ZNF679: variants seen among roughly 807,000 people sequenced by gnomAD.
ZNF679 encodes zinc finger protein 679.
Under a neutral mutation model 13.4 loss-of-function variants are expected in ZNF679, and 10 were observed. That is an observed-to-expected ratio of 0.75 (90% CI 0.46 to 1.27). The LOEUF is 1.27. ZNF679 is among the 50% of genes most tolerant of loss of function. The pLI is 0.00. For missense variants in ZNF679, 525 were observed against 477.8 expected (o/e 1.10, Z -0.92); for synonymous variants, 179 against 162.5 (o/e 1.10, Z -0.77).
chr7:64,239,335 T>C (rs906620350), intron 1 of ZNF679, among the ~76,000 whole-genome samples: 5 of 152,168 alleles, frequency 3.3e-5, no homozygotes, highest in African/African-American at 1.2e-4. Context: ...CAATCCACTA[T>C]TGAGATTGTG....
At chr7:64,258,073 C>T (rs552498177) in intron 2 of ZNF679, among the ~76,000 whole-genome samples, 5 of 152,160 alleles carry the variant, frequency 3.3e-5, no homozygotes, top group South Asian at 2.1e-4. Context: ...CAGTGCGGTT[C>T]GTGCTCCCAT....
At chr7:64,241,914 A>G (rs1441478668) in intron 1 of ZNF679, among the ~76,000 whole-genome samples, 2 of 152,242 alleles carry the variant, frequency 1.3e-5, no homozygotes, top group Non-Finnish European at 2.9e-5. Context: ...TGTAATTGTC[A>G]CAATCACACC....
chr7:64,264,596 A>C (rs1788120284), intron 4 of ZNF679, among the ~76,000 whole-genome samples: 1 of 152,036 alleles, frequency 6.6e-6, no homozygotes, highest in South Asian at 2.1e-4. Context: ...TTATTCTGGA[A>C]GATCTTTATT....
rs1788058766 is a variant in ZNF679 at position 64,260,307 on chromosome 7, A to T, written c.126A>T (p.Arg42Ser). Reference sequence around the variant, plus strand: ...ATCACGCTCAGCAGAATTTATATAGAGATGTGATGTTAGAGAACTACAGAA... The same window carrying T: ...ATCACGCTCAGCAGAATTTATATAGTGATGTGATGTTAGAGAACTACAGAA... ...CLDHAQQNLY[R>S]DVMLENYRNL... Residue 42 changes from arginine to serine, a missense_variant, in exon 3 of 5, where the codon AGA becomes AGT. Physicochemically the swap from Arg to Ser is moderately radical, Grantham distance 110 (BLOSUM62 -1). Coordinates refer to ENST00000421025, the MANE Select transcript of ZNF679 (RefSeq NM_153363.3). 1 of 1,612,664 alleles carries T rather than the reference A, an allele frequency of 6.2e-7. No homozygotes were observed. Among genetic ancestry groups the T allele is most frequent in the African/African-American group, 1.3e-5 (1 of 74,812 alleles).
intron 1 of ZNF679, among the ~76,000 whole-genome samples, chr7:64,239,627 T>C (rs1227542359): frequency 4.5e-4 from 69 of 152,316 alleles, no homozygotes; most frequent in Admixed American, 4.5e-3. Context: ...CTAGGTGATG[T>C]AAATCTTCTT....
intron 2 of ZNF679, among the ~76,000 whole-genome samples, chr7:64,254,389 T>G (rs2115575406): frequency 6.6e-6 from 1 of 152,280 alleles, no homozygotes; most frequent in African/African-American, 2.4e-5. Flanking sequence ...AGTGCTAGAA[T>G]TACAGGCATG....
intron 1 of ZNF679, among the ~76,000 whole-genome samples, chr7:64,240,929 G>C (rs914827920): frequency 6.6e-6 from 1 of 152,090 alleles, no homozygotes; most frequent in African/African-American, 2.4e-5. Context: ...CAGCCCCCAG[G>C]TGTTCTAAAT....
At chr7:64,245,103 G>A (rs2116522800) in intron 1 of ZNF679, among the ~76,000 whole-genome samples, 1 of 152,242 alleles carries the variant, frequency 6.6e-6, no homozygotes, top group East Asian at 1.9e-4. Context: ...TCGGCTTACT[G>A]CAACCTCTGC....
Position 64,266,580 on chromosome 7 carries a change from G to A in ZNF679, c.947G>A (p.Arg316Lys). Residue 316 changes from arginine to lysine, a missense_variant, in exon 5 of 5, where the codon AGA becomes AAA. By Grantham distance (26) the Arg-to-Lys change is conservative. Coordinates refer to ENST00000421025, the MANE Select transcript of ZNF679 (RefSeq NM_153363.3). ...TCCTCATCCCTCACTTACCACAAGA[G>A]AATTCATACTGGAGAGAAACCCTAC... Reference protein sequence around the residue: ...SLSSSLTYHKRIHTGEKPYTC... With the variant: ...SLSSSLTYHKKIHTGEKPYTC... The A allele has an allele frequency of 6.2e-7, 1 of 1,607,608 alleles. No homozygotes were observed. The highest frequency in any genetic ancestry group is 8.5e-7 in the Non-Finnish European group (1 of 1,174,492).
intron 1 of ZNF679, among the ~76,000 whole-genome samples, chr7:64,239,762 G>C (rs1373773377): frequency 6.6e-6 from 1 of 152,202 alleles, no homozygotes; most frequent in Non-Finnish European, 1.5e-5. Flanking sequence ...ACTGGCCTAA[G>C]TAAAAAGGTA....
chr7:64,230,121 C>T (rs1787616628), intron 1 of ZNF679, among the ~76,000 whole-genome samples: 1 of 152,218 alleles, frequency 6.6e-6, no homozygotes, highest in South Asian at 2.1e-4. Context: ...AGTAACATCA[C>T]CTAGGTGATG....
Position 64,239,113 on chromosome 7 carries a change from T to C in ZNF679, c.-90-9915T>C, listed in dbSNP as rs952947956. 2.6e-5 allele frequency among the ~76,000 whole-genome samples: 4 copies of C among 152,148 alleles called. 1 individual carries two copies. The highest frequency in any genetic ancestry group is 9.7e-5 in the African/African-American group (4 of 41,424). ...AGGAACACACAGCCAAAAGTAGTAA[T>C]TGTCACATGCCCATGTGTACACAGC... is the stretch of plus-strand genomic sequence containing the variant. On this transcript the variant is annotated intron_variant, in intron 1 of 4. Transcript: ENST00000421025.
chr7:64,253,226 A>T (rs1357676847), intron 2 of ZNF679, among the ~76,000 whole-genome samples: 1 of 152,156 alleles, frequency 6.6e-6, no homozygotes. Context: ...TTGTATAAAC[A>T]CTGTGTTTCA....
rs565582899 is a variant in ZNF679, at chr7:64,244,513, A to G, written c.-90-4515A>G. 2.6e-5 allele frequency among the ~76,000 whole-genome samples: 4 copies of G among 152,244 alleles called. 1 individual carries two copies. In the South Asian group the frequency reaches 8.3e-4, roughly 32 times the overall value. ...CCGCAACCTCAGCCTCCTGAAACCCATAAGCTTTAACTACGGTTATGAACC... is the reference window on the plus strand; with the variant it reads ...CCGCAACCTCAGCCTCCTGAAACCCGTAAGCTTTAACTACGGTTATGAACC... On this transcript the variant is annotated intron_variant, in intron 1 of 4. Coordinates refer to ENST00000421025, the MANE Select transcript of ZNF679 (RefSeq NM_153363.3).
In ZNF679 at chr7:64,265,961, G is replaced by GT; in HGVS notation, c.329dup (p.Ile111AsnfsTer11). Reference sequence around the variant, plus strand: ...AGGCATAAAAGATTCACTCCAAAAAGTAATACCAAGAAGATATGGAAAAAG... The same window carrying GT: ...AGGCATAAAAGATTCACTCCAAAAAGTTAATACCAAGAAGATATGGAAAAAG... On this transcript the variant is annotated frameshift_variant, in exon 5 of 5. Transcript: ENST00000421025. LOFTEE classifies it low-confidence loss of function (END_TRUNC). The GT allele has an allele frequency of 6.2e-7, 1 of 1,613,788 alleles. No homozygotes were observed. The highest frequency in any genetic ancestry group is 8.5e-7 in the Non-Finnish European group (1 of 1,179,864).
At chr7:64,236,179 T>C (rs960116877) in intron 1 of ZNF679, among the ~76,000 whole-genome samples, 1 of 151,268 alleles carries the variant, frequency 6.6e-6, no homozygotes, top group Non-Finnish European at 1.5e-5. Context: ...GCAGGAGAAT[T>C]GCTTGAACTC....
chr7:64,262,216 A>T (rs1391357764), intron 4 of ZNF679, among the ~76,000 whole-genome samples: 3 of 152,208 alleles, frequency 2.0e-5, no homozygotes. Context: ...GGAGTTGTTT[A>T]TAAATTCTCA....
At chr7:64,244,534 G>T (rs1331632986) in intron 1 of ZNF679, among the ~76,000 whole-genome samples, 2 of 152,080 alleles carry the variant, frequency 1.3e-5, no homozygotes, top group African/African-American at 4.8e-5. Flanking sequence ...CTACGGTTAT[G>T]AACCTAACCA....
intron 1 of ZNF679, among the ~76,000 whole-genome samples, chr7:64,233,261 A>G (rs1055777872): frequency 5.3e-5 from 8 of 151,776 alleles, no homozygotes; most frequent in African/African-American, 1.9e-4. Context: ...AACAAAAAAA[A>G]AAAAAAAGAA....
Sources: gnomAD v4.1 joint callset for allele counts (sites outside exome capture counted in the v4.1 genomes callset) on GRCh38, gnomAD v4.1.1 for gene constraint, MANE v1.5 for transcripts, NCBI Gene and HGNC (gene_info 2026-07-23, HGNC 2026-07-21) for gene names.